The following TBCD variants were observed in gnomAD, a reference collection of about 807,000 sequenced individuals.
The protein encoded by TBCD is tubulin folding cofactor D.
In TBCD, 105 loss-of-function variants were observed where a neutral mutation model predicts 169.3. That is an observed-to-expected ratio of 0.62 (90% CI 0.53 to 0.73). The LOEUF (loss-of-function observed/expected upper bound fraction) is 0.73, where lower values mean the gene tolerates loss of function less well. TBCD is among the 30% of genes least tolerant of loss of function. The pLI is 0.00. For missense variants in TBCD, 1,444 were observed against 1,600.1 expected (o/e 0.90, Z 1.66); for synonymous variants, 700 against 643.9 (o/e 1.09, Z -1.32).
rs2146368013 is a variant in TBCD, at chr17:82,889,774, C to T, written c.1563+77C>T. The stretch of plus-strand genomic sequence containing the variant: ...GGTAGGAATCTTGAGAGCTATAACC[C>T]TGGTGTCTTCTCGCACTGTGAGATG... On this transcript the variant is annotated intron_variant, in intron 16 of 38. Transcript: ENST00000355528. This position sits in a 1 kb window ranked among gnomAD's most constrained non-coding sequence, Gnocchi z 5.3. 3 of 1,549,698 alleles carry T rather than the reference C, an allele frequency of 1.9e-6. No homozygotes were observed. Among genetic ancestry groups the T allele is most frequent in the Non-Finnish European group, 2.7e-6 (3 of 1,129,468 alleles).
intron 19 of TBCD, among the ~76,000 whole-genome samples, chr17:82,905,086 T>C (rs2060142375): frequency 6.6e-6 from 1 of 152,212 alleles, no homozygotes; most frequent in Non-Finnish European, 1.5e-5. Flanking sequence ...CGCCTCCCTC[T>C]GCGTCCGTGA....
chr17:82,921,616 G>A lies in TBCD; in HGVS notation c.2178+39G>A, dbSNP rs76483328. 133 of 1,591,656 alleles carry A rather than the reference G, an allele frequency of 8.4e-5. 1 individual carries two copies. In the Middle Eastern group the frequency reaches 3.2e-3, roughly 38 times the overall value. ...GGGCGTTCCCGGCCGGCGCTGTGGC[G>A]GTGTTAGTGTGTTAGTCACGGATGG... On this transcript the variant is annotated intron_variant, in intron 25 of 38. Coordinates refer to ENST00000355528, the MANE Select transcript of TBCD (RefSeq NM_005993.5).
chr17:82,927,331 C>G lies in TBCD; in HGVS notation c.2609+8C>G, dbSNP rs773082692. ...AGGGGACGTGGGCACCTGGTACGTA[C>G]GTAGCAGTGGGTGAGCGCTTCTTCT... On this transcript the variant is annotated splice_region_variant and intron_variant, in intron 29 of 38. Transcript: ENST00000355528. The G allele has an allele frequency of 1.2e-6, 2 of 1,613,004 alleles. No homozygotes were observed. The highest frequency in any genetic ancestry group is 1.7e-6 in the Non-Finnish European group (2 of 1,179,472).
intron 23 of TBCD, among the ~76,000 whole-genome samples, chr17:82,918,050 T>C (rs572920158): frequency 5.3e-5 from 8 of 152,352 alleles, no homozygotes; most frequent in East Asian, 1.9e-4. Flanking sequence ...GAAATAATTA[T>C]AGACTTACAG....
Position 82,889,814 on chromosome 17 carries a change from C to A in TBCD, c.1563+117C>A. The A allele has an allele frequency of 8.2e-7, 1 of 1,215,954 alleles. No homozygotes were observed. The highest frequency in any genetic ancestry group is 1.2e-6 in the Non-Finnish European group (1 of 856,994). 75.3% of individuals were successfully genotyped at this position (1,215,954 alleles called of 1,614,324 possible). ...ACTGTGAGATGTGGTGTGGCTACAT[C>A]AATGCCAGGGTCATGAGTTCACTAT... On this transcript the variant is annotated intron_variant, in intron 16 of 38. Transcript: ENST00000355528. The surrounding 1 kb of genome is among the most constrained non-coding windows in gnomAD (Gnocchi z 5.3).
At chr17:82,799,772 T>C (rs979186978) in intron 8 of TBCD, among the ~76,000 whole-genome samples, 2 of 152,206 alleles carry the variant, frequency 1.3e-5, no homozygotes, top group Non-Finnish European at 2.9e-5. Context: ...CTTGGTGACG[T>C]GAACACAGAC....
At position 82,903,116 on chromosome 17, in the gene TBCD, G is replaced by A. The variant is rs183612777; in HGVS notation, c.1731-289G>A. On this transcript the variant is annotated intron_variant, in intron 18 of 38. Coordinates refer to ENST00000355528, the MANE Select transcript of TBCD (RefSeq NM_005993.5). The surrounding 1 kb of genome is among the most constrained non-coding windows in gnomAD (Gnocchi z 4.8). The stretch of plus-strand genomic sequence containing the variant: ...CTCACACTCACAACCTCAGAGTAGC[G>A]TGGGGGTGGGGAGGCCGGACACCCA... Among the ~76,000 whole-genome samples, 11 of 152,270 alleles carry A rather than the reference G, an allele frequency of 7.2e-5. No homozygotes were observed. Among genetic ancestry groups the A allele is most frequent in the Middle Eastern group, 3.4e-3 (1 of 294 alleles).
intron 13 of TBCD, among the ~76,000 whole-genome samples, chr17:82,845,488 T>C (rs1424368698): frequency 1.5e-5 from 2 of 132,276 alleles, no homozygotes; most frequent in East Asian, 2.3e-4. Flanking sequence ...CCGTCTGTCC[T>C]GTCCGGCCCG....
intron 13 of TBCD, among the ~76,000 whole-genome samples, chr17:82,843,884 T>C (rs548875591): frequency 9.4e-4 from 143 of 152,364 alleles, no homozygotes; most frequent in African/African-American, 2.7e-3. Context: ...AACTGCAGGC[T>C]GATACTTTTC....
chr17:82,858,540 AG>A, intron 13 of TBCD: 1 of 983,194 alleles, frequency 1.0e-6, no homozygotes, highest in Non-Finnish European at 1.2e-6. Context: ...CTTGAAATTC[AG>A]GTTTTGCTTG....
intron 13 of TBCD, among the ~76,000 whole-genome samples, chr17:82,867,518 T>G (rs937199507): frequency 2.1e-4 from 32 of 152,214 alleles, no homozygotes; most frequent in African/African-American, 7.5e-4. Flanking sequence ...AGTTTTGATG[T>G]GTTGGCCACG....
intron 8 of TBCD, among the ~76,000 whole-genome samples, chr17:82,798,356 C>G (rs542341461): frequency 1.7e-4 from 26 of 152,248 alleles, no homozygotes; most frequent in African/African-American, 6.3e-4. Flanking sequence ...CCGTGTTAGC[C>G]AGGATGGTCT....
intron 13 of TBCD, among the ~76,000 whole-genome samples, chr17:82,826,963 G>A (rs2052904094): frequency 6.6e-6 from 1 of 152,094 alleles, no homozygotes; most frequent in Non-Finnish European, 1.5e-5. Flanking sequence ...TAGAGACGGT[G>A]TTTTTCCATG....
intron 22 of TBCD, among the ~76,000 whole-genome samples, chr17:82,910,422 T>C (rs528896487): frequency 1.3e-5 from 2 of 152,338 alleles, no homozygotes; most frequent in Non-Finnish European, 2.9e-5. Context: ...CATTAAAAAG[T>C]TCAGACTTTT....
intron 23 of TBCD, among the ~76,000 whole-genome samples, chr17:82,916,295 G>A (rs143472558): frequency 6.6e-6 from 1 of 152,154 alleles, no homozygotes; most frequent in Non-Finnish European, 1.5e-5. Context: ...TCAGGCTGGA[G>A]TCACAGTGGC....
chr17:82,802,331 G>A (rs1054809300), intron 9 of TBCD, among the ~76,000 whole-genome samples: 15 of 151,996 alleles, frequency 9.9e-5, no homozygotes, highest in African/African-American at 3.4e-4. Context: ...CTCACACTCC[G>A]TCCTGGATGA....
chr17:82,918,882 G>A (rs1001122877), intron 23 of TBCD: 1 of 152,226 alleles, frequency 6.6e-6, no homozygotes, highest in African/African-American at 2.4e-5. Context: ...AGAGCTGAAA[G>A]GATTCGCGCT....
chr17:82,757,003 C>G (rs747393081), intron 2 of TBCD, among the ~76,000 whole-genome samples: 15 of 152,100 alleles, frequency 9.9e-5, no homozygotes, highest in Non-Finnish European at 1.9e-4. Context: ...TTATTGTTTT[C>G]TTTATTTTTG....
At chr17:82,858,453 GCATTTAAAATAAA>G (rs1466458854) in intron 13 of TBCD, 2 of 451,230 alleles carry the variant, frequency 4.4e-6, no homozygotes, top group African/African-American at 4.3e-5. Flanking sequence ...GGCCTATTCG[GCATTTAAAATAAA>G]ATGCAGGTTG....
Sources: allele counts gnomAD v4.1 joint callset (sites outside exome capture counted in the v4.1 genomes callset), GRCh38; gene constraint gnomAD v4.1.1; non-coding constraint Gnocchi (gnomAD v3.1); transcripts MANE v1.5; gene names NCBI Gene and HGNC (gene_info 2026-07-23, HGNC 2026-07-21).